The following CMIP variants were observed in gnomAD, a reference collection of about 807,000 sequenced individuals.
CMIP encodes the protein c-Maf inducing protein.
Under a neutral mutation model 97.3 loss-of-function variants are expected in CMIP, and 13 were observed. The ratio of observed to expected loss-of-function variants is 0.13; its 90% confidence interval spans 0.09 to 0.21. CMIP has a LOEUF of 0.21. Among genes scored for constraint, CMIP ranks in the 10% least tolerant of loss-of-function variants. The pLI is 1.00. For missense variants in CMIP, 847 were observed against 1,024.9 expected (o/e 0.83, Z 2.37); for synonymous variants, 538 against 436.3 (o/e 1.23, Z -2.91).
At chr16:81,683,283 G>A (rs1479103491) in intron 10 of CMIP, among the ~76,000 whole-genome samples, 1 of 152,190 alleles carries the variant, frequency 6.6e-6, no homozygotes, top group Admixed American at 6.5e-5. Context: ...ATTGGCTCCC[G>A]TCGACCGCTT....
rs1245326670 is a variant in CMIP, at chr16:81,685,811, G to A, written c.1389-5964G>A. Reference sequence around the variant, plus strand: ...ACTCCTGGCCTCAAGCAATCCTCCCGCCTCAGCCTCCCAAAGTGCTGGGAT... The same window carrying A: ...ACTCCTGGCCTCAAGCAATCCTCCCACCTCAGCCTCCCAAAGTGCTGGGAT... On this transcript the variant is annotated intron_variant, in intron 10 of 20. Transcript: ENST00000537098. Among the ~76,000 whole-genome samples, 4 of 150,326 alleles carry A rather than the reference G, an allele frequency of 2.7e-5. No homozygotes were observed. The East Asian group carries it at 5.9e-4, about 22-fold the overall frequency.
intron 3 of CMIP, among the ~76,000 whole-genome samples, chr16:81,638,492 C>T: frequency 6.6e-6 from 1 of 151,980 alleles, no homozygotes; most frequent in East Asian, 1.9e-4. Flanking sequence ...ATTAAGGAAC[C>T]CTGAGAAACT....
chr16:81,705,616 CG>C lies in CMIP; in HGVS notation c.2197+16del. 1.4e-5 allele frequency: 22 copies of C among 1,563,102 alleles called. No homozygotes were observed. The highest frequency in any genetic ancestry group is 1.9e-5 in the Non-Finnish European group (22 of 1,149,940). ...GCTGGCCCTGAGCTGTGAGTGCCTCCGGGGCAGCTGGGGGGTGAGGGGCCGC... is the reference window on the plus strand; with the variant it reads ...GCTGGCCCTGAGCTGTGAGTGCCTCCGGGCAGCTGGGGGGTGAGGGGCCGC... On this transcript the variant is annotated intron_variant, in intron 19 of 20. Transcript: ENST00000537098.
In CMIP at chr16:81,670,137, C is replaced by CA; in HGVS notation, c.826-4dup. On this transcript the variant is annotated splice_region_variant and splice_polypyrimidine_tract_variant and intron_variant, in intron 7 of 20. Coordinates refer to ENST00000537098, the MANE Select transcript of CMIP (RefSeq NM_198390.3). Reference sequence around the variant, plus strand: ...CCCGACTCCTGTCCTCTGCTGTCTCCACAGGACTTTGGGAAGTGCCCGCGA... The same window carrying CA: ...CCCGACTCCTGTCCTCTGCTGTCTCCAACAGGACTTTGGGAAGTGCCCGCGA... 1 of 1,605,076 alleles carries CA rather than the reference C, an allele frequency of 6.2e-7. No individual in the cohort carries two copies. Among genetic ancestry groups the CA allele is most frequent in the Non-Finnish European group, 8.5e-7 (1 of 1,176,148 alleles).
chr16:81,581,612 C>T (rs897575783), intron 1 of CMIP, among the ~76,000 whole-genome samples: 2 of 152,164 alleles, frequency 1.3e-5, no homozygotes, highest in Non-Finnish European at 2.9e-5. Context: ...TTGTTTGAGT[C>T]CATGTTTTCA....
At chr16:81,457,926 C>T (rs1229710556) in intron 1 of CMIP, among the ~76,000 whole-genome samples, 1 of 152,226 alleles carries the variant, frequency 6.6e-6, no homozygotes, top group Admixed American at 6.5e-5. Context: ...CTCCCCCCTA[C>T]CTTTGATCCC....
At chr16:81,555,267 A>G (rs938652386) in intron 1 of CMIP, among the ~76,000 whole-genome samples, 4 of 152,194 alleles carry the variant, frequency 2.6e-5, no homozygotes, top group African/African-American at 9.6e-5. Flanking sequence ...GTGCTGAGAT[A>G]GATACCTCCA....
chr16:81,565,919 G>A (rs1209087250), intron 1 of CMIP, among the ~76,000 whole-genome samples: 1 of 152,212 alleles, frequency 6.6e-6, no homozygotes, highest in Non-Finnish European at 1.5e-5. Flanking sequence ...GGGGGGACAT[G>A]CCCCTGCGCC....
intron 1 of CMIP, among the ~76,000 whole-genome samples, chr16:81,493,702 A>G (rs1323525259): frequency 6.6e-6 from 1 of 152,240 alleles, no homozygotes; most frequent in Admixed American, 6.5e-5. Flanking sequence ...TAACAATGGC[A>G]GCAACAAACT....
At chr16:81,545,679 G>T (rs1422809138) in intron 1 of CMIP, among the ~76,000 whole-genome samples, 5 of 152,182 alleles carry the variant, frequency 3.3e-5, no homozygotes, top group Admixed American at 3.3e-4. Context: ...CTACTTGACT[G>T]ATCTGCTTCT....
intron 1 of CMIP, among the ~76,000 whole-genome samples, chr16:81,605,169 G>C (rs2091721443): frequency 6.6e-6 from 1 of 152,202 alleles, no homozygotes; most frequent in African/African-American, 2.4e-5. Context: ...AGAATAGGGA[G>C]AACAGAACAG....
At chr16:81,667,914 A>G (rs1271640216) in intron 7 of CMIP, among the ~76,000 whole-genome samples, 1 of 151,518 alleles carries the variant, frequency 6.6e-6, no homozygotes, top group East Asian at 1.9e-4. Context: ...ATGTAGCAGG[A>G]CAGTCCTAGC....
chr16:81,563,535 T>G (rs1442124431), intron 1 of CMIP, among the ~76,000 whole-genome samples: 2 of 152,152 alleles, frequency 1.3e-5, no homozygotes, highest in Non-Finnish European at 2.9e-5. Flanking sequence ...CGTACCGCAT[T>G]ATAGTCTGCA....
At chr16:81,636,867 C>T (rs539981799) in intron 3 of CMIP, among the ~76,000 whole-genome samples, 178 of 139,854 alleles carry the variant, frequency 1.3e-3, no homozygotes, top group African/African-American at 4.4e-3. Context: ...CCTGAAGCCC[C>T]GTGAATTAGA....
At chr16:81,650,621 C>T (rs943832967) in intron 3 of CMIP, among the ~76,000 whole-genome samples, 1 of 152,076 alleles carries the variant, frequency 6.6e-6, no homozygotes, top group Non-Finnish European at 1.5e-5. Context: ...CCGTATTGGC[C>T]TAGGTTTTAC....
intron 1 of CMIP, among the ~76,000 whole-genome samples, chr16:81,564,723 C>T (rs925930459): frequency 6.6e-6 from 1 of 152,182 alleles, no homozygotes; most frequent in Non-Finnish European, 1.5e-5. Flanking sequence ...CTGCAGATTG[C>T]ACTTCTAGAA....
At chr16:81,588,271 T>C (rs16955597) in intron 1 of CMIP, among the ~76,000 whole-genome samples, 12,599 of 152,272 alleles carry the variant, frequency 0.083, 1,180 homozygotes, top group African/African-American at 0.23. Context: ...CCAGAAAAAG[T>C]ACCCAAGTCT....
intron 10 of CMIP, among the ~76,000 whole-genome samples, chr16:81,686,786 A>G (rs1905441769): frequency 6.6e-6 from 1 of 152,124 alleles, no homozygotes; most frequent in African/African-American, 2.4e-5. Flanking sequence ...CTTGGTGAAA[A>G]AAACATCTCC....
At chr16:81,476,113 C>T (rs1354500449) in intron 1 of CMIP, 3 of 865,446 alleles carry the variant, frequency 3.5e-6, no homozygotes, top group African/African-American at 1.6e-5. Flanking sequence ...CCACAGTCTT[C>T]ACGTCTTCTT....
Sources: allele counts gnomAD v4.1 joint callset (sites outside exome capture counted in the v4.1 genomes callset), GRCh38; gene constraint gnomAD v4.1.1; transcripts MANE v1.5; gene names NCBI Gene and HGNC (gene_info 2026-07-23, HGNC 2026-07-21).